LRRC69: variants seen among roughly 807,000 people sequenced by gnomAD.
LRRC69 encodes leucine-rich repeat-containing protein 69.
In LRRC69, 42 loss-of-function variants were observed where a neutral mutation model predicts 37.8. The observed-to-expected ratio is 1.11, with a 90% confidence interval of 0.87 to 1.44. The LOEUF (loss-of-function observed/expected upper bound fraction) is 1.44, where lower values mean the gene tolerates loss of function less well. LRRC69 is among the 40% of genes most tolerant of loss of function. The pLI, the probability that LRRC69 is intolerant of heterozygous loss-of-function variation, is 0.00. For synonymous variants in LRRC69, 141 were observed against 143.1 expected (o/e 0.99, Z 0.11); for missense variants, 357 against 401.9 (o/e 0.89, Z 0.96).
At chr8:91,164,689 A>G (rs1808999468) in intron 5 of LRRC69, among the ~76,000 whole-genome samples, 1 of 151,690 alleles carries the variant, frequency 6.6e-6, no homozygotes, top group Non-Finnish European at 1.5e-5. Flanking sequence ...TTATAGTTTC[A>G]TGAGCTAGGA....
chr8:91,133,214 AT>A lies in LRRC69; in HGVS notation c.489del (p.Gln164SerfsTer2). 7 of 1,542,818 alleles carry A rather than the reference AT, an allele frequency of 4.5e-6. No homozygotes were observed. The highest frequency in any genetic ancestry group is 6.1e-6 in the Non-Finnish European group (7 of 1,144,784). ...CTTGTTGAACTTCAACTTAACTACA[AT>A]CAGCTGATATGCATACCTGAAGAGA... On this transcript the variant is annotated frameshift_variant, in exon 4 of 8. Coordinates refer to ENST00000448384, the Ensembl canonical transcript of LRRC69. LOFTEE classifies it high-confidence loss of function.
chr8:91,194,372 A>T (rs903110739), intron 6 of LRRC69, among the ~76,000 whole-genome samples: 5 of 151,546 alleles, frequency 3.3e-5, no homozygotes, highest in Admixed American at 1.3e-4. Flanking sequence ...AAAATGAGTT[A>T]GGGAGGATTC....
chr8:91,169,637 C>A (rs1301518665), intron 5 of LRRC69, among the ~76,000 whole-genome samples: 1 of 134,052 alleles, frequency 7.5e-6, no homozygotes, highest in African/African-American at 2.9e-5. Context: ...CATCATCTAG[C>A]ATTAGGTATA....
At chr8:91,186,360 T>A (rs1053852636) in intron 5 of LRRC69, among the ~76,000 whole-genome samples, 1 of 152,090 alleles carries the variant, frequency 6.6e-6, no homozygotes, top group Non-Finnish European at 1.5e-5. Flanking sequence ...CAAGGAAACA[T>A]TCGATAGAGG....
intron 5 of LRRC69, among the ~76,000 whole-genome samples, chr8:91,147,321 A>C (rs1808640806): frequency 6.7e-6 from 1 of 148,810 alleles, no homozygotes; most frequent in African/African-American, 2.5e-5. Context: ...ATTCACGTTT[A>C]CATGATATAT....
intron 5 of LRRC69, among the ~76,000 whole-genome samples, chr8:91,176,707 G>A (rs1809235765): frequency 6.6e-6 from 1 of 152,108 alleles, no homozygotes; most frequent in South Asian, 2.1e-4. Flanking sequence ...GAAAACTGAT[G>A]TCCTAGTTCA....
At chr8:91,117,155 G>A (rs1282178187) in intron 1 of LRRC69, among the ~76,000 whole-genome samples, 1 of 151,908 alleles carries the variant, frequency 6.6e-6, no homozygotes, top group Non-Finnish European at 1.5e-5. Flanking sequence ...AAACATTTAG[G>A]ATATACTGGG....
At chr8:91,206,857 C>G (rs1337229026) in intron 7 of LRRC69, 3 of 1,286,542 alleles carry the variant, frequency 2.3e-6, no homozygotes, top group African/African-American at 3.0e-5. Flanking sequence ...GTAATTTTGC[C>G]AATTTCAGAA....
chr8:91,166,960 C>G (rs1353068454), intron 5 of LRRC69, among the ~76,000 whole-genome samples: 2 of 151,178 alleles, frequency 1.3e-5, no homozygotes, highest in African/African-American at 4.9e-5. Context: ...ACTCCGGTGC[C>G]TTTGCCCACT....
intron 3 of LRRC69, chr8:91,130,184 T>G (rs1386611394): frequency 1.3e-5 from 2 of 152,072 alleles, no homozygotes; most frequent in African/African-American, 4.8e-5. Context: ...GTATATACAT[T>G]TTTGTGTCTG....
At chr8:91,125,689 G>A (rs1813703247) in intron 2 of LRRC69, among the ~76,000 whole-genome samples, 1 of 151,500 alleles carries the variant, frequency 6.6e-6, no homozygotes, top group South Asian at 2.1e-4. Flanking sequence ...AAACAATATT[G>A]AACATACTAA....
intron 1 of LRRC69, among the ~76,000 whole-genome samples, chr8:91,105,829 T>C (rs1026275599): frequency 6.6e-6 from 1 of 152,022 alleles, no homozygotes; most frequent in Non-Finnish European, 1.5e-5. Flanking sequence ...CCTTCATTTA[T>C]TTAATCCACA....
At position 91,172,505 on chromosome 8, in the gene LRRC69, A is replaced by G. The variant is rs116644405; in HGVS notation, c.652-17017A>G. Among the ~76,000 whole-genome samples the G allele has an allele frequency of 8.6e-3, 1,299 of 151,890 alleles. 23 individuals are homozygous for G. Among genetic ancestry groups the G allele is most frequent in the African/African-American group, 0.03 (1,259 of 41,484 alleles). ...TTTTATCAGCTCTATTTCCTCTGGT[A>G]TAAACTCTTTATTTATTTTTATTTT... On this transcript the variant is annotated intron_variant, in intron 5 of 7. Coordinates refer to ENST00000448384, the Ensembl canonical transcript of LRRC69.
At chr8:91,188,083 G>A (rs1384155559) in intron 5 of LRRC69, among the ~76,000 whole-genome samples, 2 of 152,068 alleles carry the variant, frequency 1.3e-5, no homozygotes, top group Admixed American at 6.6e-5. Context: ...GCTGCCATTG[G>A]GTTCAACTCT....
At chr8:91,187,885 G>C (rs550466025) in intron 5 of LRRC69, among the ~76,000 whole-genome samples, 1 of 152,240 alleles carries the variant, frequency 6.6e-6, no homozygotes, top group South Asian at 2.1e-4. Flanking sequence ...GCTTATTTCT[G>C]TTTTACTTAT....
At chr8:91,172,181 C>T (rs1563613568) in intron 5 of LRRC69, among the ~76,000 whole-genome samples, 1 of 151,900 alleles carries the variant, frequency 6.6e-6, no homozygotes, top group Non-Finnish European at 1.5e-5. Flanking sequence ...AGGTAGGATT[C>T]TTCACACTTC....
At chr8:91,209,766 T>C (rs1809872455) in intron 7 of LRRC69, among the ~76,000 whole-genome samples, 1 of 152,220 alleles carries the variant, frequency 6.6e-6, no homozygotes, top group South Asian at 2.1e-4. Context: ...TACTGCATGA[T>C]GAACCTTATC....
rs533442425 is a variant in LRRC69 at position 91,111,825 on chromosome 8, C to T, written c.183+8981C>T. ...GACGAAATAGTCTGTGCAACAAACCCCCATGACACAAGTTTACCTATGTAA... is the reference window on the plus strand; with the variant it reads ...GACGAAATAGTCTGTGCAACAAACCTCCATGACACAAGTTTACCTATGTAA... On this transcript the variant is annotated intron_variant, in intron 1 of 7. Transcript: ENST00000448384. Among the ~76,000 whole-genome samples, 5 of 151,708 alleles carry T rather than the reference C, an allele frequency of 3.3e-5. No individual in the cohort carries two copies. The South Asian group carries it at 8.3e-4, about 25-fold the overall frequency.
At chr8:91,161,723 C>A (rs556483340) in intron 5 of LRRC69, among the ~76,000 whole-genome samples, 21 of 151,190 alleles carry the variant, frequency 1.4e-4, no homozygotes, top group Non-Finnish European at 2.2e-4. Flanking sequence ...TCTTTTCAAA[C>A]AACTTTTTAA....
Sources: gnomAD v4.1 joint callset for allele counts (sites outside exome capture counted in the v4.1 genomes callset) on GRCh38, gnomAD v4.1.1 for gene constraint, MANE v1.5 for transcripts, NCBI Gene and HGNC (gene_info 2026-07-23, HGNC 2026-07-21) for gene names.